The following GRB10 variants were observed in gnomAD, a reference collection of about 807,000 sequenced individuals.
GRB10 encodes growth factor receptor-bound protein 10.
Under a neutral mutation model 80.9 loss-of-function variants are expected in GRB10, and 20 were observed. The observed-to-expected ratio is 0.25, with a 90% CI of 0.17 to 0.36. The LOEUF is 0.36. Among genes scored for constraint, GRB10 ranks in the 10% least tolerant of loss-of-function variants. The pLI is 1.00. For missense variants in GRB10, 548 were observed against 747.7 expected, an observed-to-expected ratio of 0.73 and a Z score of 3.12; for synonymous variants, 291 against 291.5, an observed-to-expected ratio of 1.00 and a Z score of 0.02.
chr7:50,746,567 G>GCAC (rs896232598), intron 3 of GRB10, among the ~76,000 whole-genome samples: 68 of 152,260 alleles, frequency 4.5e-4, no homozygotes, highest in African/African-American at 1.6e-3. Flanking sequence ...TTCCTCAGCA[G>GCAC]CACCAAAGAG....
At chr7:50,601,937 T>C (rs1171178273) in intron 17 of GRB10, among the ~76,000 whole-genome samples, 1 of 152,100 alleles carries the variant, frequency 6.6e-6, no homozygotes, top group Non-Finnish European at 1.5e-5. Context: ...TCAAAAGAAC[T>C]CAGGAAGCAA....
At chr7:50,661,207 C>T (rs1398533763) in intron 7 of GRB10, among the ~76,000 whole-genome samples, 4 of 152,220 alleles carry the variant, frequency 2.6e-5, no homozygotes, top group African/African-American at 9.7e-5. Context: ...GATGGTCTAA[C>T]ATATTGCATG....
At chr7:50,749,717 C>G (rs2073781230) in intron 3 of GRB10, among the ~76,000 whole-genome samples, 1 of 152,208 alleles carries the variant, frequency 6.6e-6, no homozygotes, top group Non-Finnish European at 1.5e-5. Flanking sequence ...GACCCCCAGT[C>G]ATCAACTCGT....
At chr7:50,646,478 T>G (rs2057210085) in intron 7 of GRB10, among the ~76,000 whole-genome samples, 1 of 152,190 alleles carries the variant, frequency 6.6e-6, no homozygotes, top group Non-Finnish European at 1.5e-5. Context: ...CCAAATACCT[T>G]TTTGTAGTAT....
chr7:50,742,571 G>A (rs939726131), intron 3 of GRB10, among the ~76,000 whole-genome samples: 2 of 152,092 alleles, frequency 1.3e-5, no homozygotes, highest in African/African-American at 2.4e-5. Context: ...CAGTGGAGGG[G>A]GTGTGGTCCC....
chr7:50,713,488 A>G (rs1225308766), intron 4 of GRB10, among the ~76,000 whole-genome samples: 1 of 144,958 alleles, frequency 6.9e-6, no homozygotes, highest in African/African-American at 2.6e-5. Context: ...CAACTCCTCT[A>G]CCATCTCCAC....
chr7:50,645,083 C>T (rs940291417), intron 7 of GRB10, among the ~76,000 whole-genome samples: 29 of 152,236 alleles, frequency 1.9e-4, no homozygotes, highest in Non-Finnish European at 5.9e-5. Context: ...TAATTTTATT[C>T]AATTACAACA....
chr7:50,698,731 T>C (rs1054554563), intron 5 of GRB10, among the ~76,000 whole-genome samples: 5 of 152,276 alleles, frequency 3.3e-5, no homozygotes, highest in Admixed American at 3.3e-4. Flanking sequence ...ATAGTGCAAA[T>C]CAATCCTCCA....
At chr7:50,706,104 C>A (rs986099274) in intron 4 of GRB10, among the ~76,000 whole-genome samples, 13 of 152,190 alleles carry the variant, frequency 8.5e-5, no homozygotes. Context: ...AAATATCTAA[C>A]CTAGAGTAGA....
intron 6 of GRB10, among the ~76,000 whole-genome samples, chr7:50,674,034 G>A (rs932470309): frequency 1.3e-5 from 2 of 152,306 alleles, no homozygotes; most frequent in Non-Finnish European, 1.5e-5. Context: ...GGGGTTGCAC[G>A]ACAAGCTCCA....
chr7:50,705,313 C>T, intron 4 of GRB10: 1 of 985,428 alleles, frequency 1.0e-6, no homozygotes, highest in Non-Finnish European at 1.2e-6. Context: ...TCACACCTTC[C>T]TCCAGAATAT....
At chr7:50,647,477 CCT>C (rs1177709674) in intron 7 of GRB10, among the ~76,000 whole-genome samples, 2 of 152,220 alleles carry the variant, frequency 1.3e-5, no homozygotes, top group African/African-American at 4.8e-5. Context: ...GCAGATGCTC[CCT>C]GAGAACCTTC....
intron 3 of GRB10, among the ~76,000 whole-genome samples, chr7:50,751,318 T>C (rs916557690): frequency 2.0e-5 from 3 of 152,108 alleles, no homozygotes; most frequent in Non-Finnish European, 2.9e-5. Flanking sequence ...AAGCAATCTA[T>C]AGAAGCTGTG....
intron 8 of GRB10, among the ~76,000 whole-genome samples, chr7:50,622,455 A>T (rs1299999835): frequency 6.6e-6 from 1 of 152,220 alleles, no homozygotes; most frequent in East Asian, 1.9e-4. Context: ...ACAAAGCTGT[A>T]AACAGCCCGA....
chr7:50,760,203 G>A (rs1196950778), intron 2 of GRB10, among the ~76,000 whole-genome samples: 1 of 152,196 alleles, frequency 6.6e-6, no homozygotes, highest in Non-Finnish European at 1.5e-5. Context: ...GTGAGAGGCA[G>A]GATAAATATA....
rs2046513216 is a variant in GRB10, at chr7:50,595,617, ACAC to A, written c.1545-90_1545-88del. 3.9e-6 allele frequency: 3 copies of A among 761,020 alleles called. No homozygotes were observed. The African/African-American group carries it at 5.1e-5, about 13-fold the overall frequency. The allele number at this position is 761,020 out of a possible 1,614,324, so 47.1% of individuals were successfully genotyped here. The stretch of plus-strand genomic sequence containing the variant: ...CACACTCTCTTACACACACACACAC[ACAC>A]ACACACACACACACACAGGCTTGGA... On this transcript the variant is annotated intron_variant, in intron 17 of 18. Transcript: ENST00000401949.
intron 2 of GRB10, among the ~76,000 whole-genome samples, chr7:50,762,774 A>C (rs6593171): frequency 3.3e-5 from 5 of 152,182 alleles, no homozygotes; most frequent in African/African-American, 9.7e-5. Context: ...AGCCATGAAG[A>C]AAAAACTAAC....
At chr7:50,750,361 T>G (rs1048429594) in intron 3 of GRB10, among the ~76,000 whole-genome samples, 1 of 152,224 alleles carries the variant, frequency 6.6e-6, no homozygotes, top group Non-Finnish European at 1.5e-5. Context: ...GAGTTAACTT[T>G]GAATGCTGGA....
At chr7:50,633,315 A>G (rs1030803111) in intron 7 of GRB10, among the ~76,000 whole-genome samples, 1 of 152,236 alleles carries the variant, frequency 6.6e-6, no homozygotes, top group African/African-American at 2.4e-5. Context: ...CAAGTAATTC[A>G]TAAAAGCCTT....
Sources: allele counts gnomAD v4.1 joint callset (sites outside exome capture counted in the v4.1 genomes callset), GRCh38; gene constraint gnomAD v4.1.1; transcripts MANE v1.5; gene names NCBI Gene and HGNC (gene_info 2026-07-23, HGNC 2026-07-21).